Variants in ZNF93 observed in about 807,000 individuals in gnomAD.
ZNF93 encodes the protein zinc finger protein 505.
In ZNF93, 29 loss-of-function variants were observed where a neutral mutation model predicts 45.0. The ratio of observed to expected loss-of-function variants is 0.64; its 90% CI spans 0.48 to 0.88. The LOEUF (loss-of-function observed/expected upper bound fraction) is 0.88, where lower values mean the gene tolerates loss of function less well. Among genes scored for constraint, ZNF93 ranks in the 40% least tolerant of loss-of-function variants. The probability of loss-of-function intolerance (pLI) is 0.00; values close to 1 mark genes in which losing one functional copy is unlikely to be tolerated. For synonymous variants in ZNF93, 223 were observed against 244.6 expected, an observed-to-expected ratio of 0.91 and a Z score of 0.82; for missense variants, 578 against 724.0, an observed-to-expected ratio of 0.80 and a Z score of 2.31.
At chr19:19,903,822 G>A (rs1048368874) in intron 1 of ZNF93, among the ~76,000 whole-genome samples, 4 of 151,588 alleles carry the variant, frequency 2.6e-5, no homozygotes, top group Non-Finnish European at 4.4e-5. Context: ...TGTAATCCGA[G>A]CACTGTGGGA....
At chr19:19,921,864 T>C (rs921666596) in intron 3 of ZNF93, among the ~76,000 whole-genome samples, 2 of 152,130 alleles carry the variant, frequency 1.3e-5, no homozygotes, top group Non-Finnish European at 2.9e-5. Flanking sequence ...GTTTCCTGAA[T>C]ATAGCACACT....
Position 19,905,628 on chromosome 19 carries a change from T to C in ZNF93, c.3+4537T>C, listed in dbSNP as rs900621721. Among the ~76,000 whole-genome samples, 12 of 152,216 alleles carry C rather than the reference T, an allele frequency of 7.9e-5. No individual in the cohort carries two copies. In the East Asian group the frequency reaches 1.7e-3, roughly 22 times the overall value. ...AATCTTTTATTTTTGGTCTCACTTA[T>C]GGCCCAGGCTAGAGTGCCATGGCAT... On this transcript the variant is annotated intron_variant, in intron 1 of 3. Coordinates refer to ENST00000343769, the MANE Select transcript of ZNF93 (RefSeq NM_031218.4).
At chr19:19,925,915 G>C (rs186317447) in intron 3 of ZNF93, among the ~76,000 whole-genome samples, 7 of 151,966 alleles carry the variant, frequency 4.6e-5, no homozygotes, top group African/African-American at 1.4e-4. Flanking sequence ...GTAACTCTAG[G>C]TTCTTTTAAA....
rs763433713 is a variant in ZNF93, at chr19:19,934,197, A to G, written c.1242A>G (p.Ser414=). The G allele has an allele frequency of 2.5e-6, 4 of 1,612,248 alleles. No individual in the cohort carries two copies. The highest frequency in any genetic ancestry group is 1.7e-5 in the Admixed American group (1 of 58,880). The change falls in exon 4 of 4, where the codon TCA becomes TCG. Residue 414 remains serine (S), a synonymous_variant. Coordinates refer to ENST00000343769, the MANE Select transcript of ZNF93 (RefSeq NM_031218.4). ...TTAAGTACTCCTCTACCCTTAGTTC[A>G]CATAAGAGAAGTCATACTGGAGAGA... is the stretch of plus-strand genomic sequence containing the variant. ...KAFKYSSTLS[S]HKRSHTGEKP...
intron 3 of ZNF93, chr19:19,932,357 A>G (rs1406134793): frequency 6.6e-6 from 1 of 152,482 alleles, no homozygotes; most frequent in Non-Finnish European, 1.5e-5. Flanking sequence ...ACAGTAAATA[A>G]CTACCAATCC....
chr19:19,930,493 C>G lies in ZNF93; in HGVS notation c.227-2689C>G, dbSNP rs567107887. Among the ~76,000 whole-genome samples the G allele has an allele frequency of 5.3e-4, 79 of 149,364 alleles. 2 individuals carry two copies. In the South Asian group the frequency reaches 0.017, roughly 31 times the overall value. ...GGAAAGGGAGACTCCCTTTCCTGGT[C>G]CGCTAAGTAGCAGGTGTTTTTCCTT... On this transcript the variant is annotated intron_variant, in intron 3 of 3. Coordinates refer to ENST00000343769, the MANE Select transcript of ZNF93 (RefSeq NM_031218.4).
chr19:19,906,293 C>CT (rs140117863), intron 1 of ZNF93, among the ~76,000 whole-genome samples: 13,006 of 151,976 alleles, frequency 0.086, 1,356 homozygotes, highest in African/African-American at 0.25. Flanking sequence ...TAGTGATGAA[C>CT]TTTTTTTTCA....
rs1261032622 is a variant in ZNF93, at chr19:19,933,875, A to G, written c.920A>G (p.His307Arg). 31 of 1,613,232 alleles carry G rather than the reference A, an allele frequency of 1.9e-5. No individual in the cohort carries two copies. The highest frequency in any genetic ancestry group is 2.5e-5 in the Non-Finnish European group (30 of 1,179,890). ...SSTLTKHKKI[H>R]TGEKPYVCEE... ...ACACTTACTAAACATAAGAAAATTC[A>G]TACTGGAGAGAAGCCCTACGTTTGT... The change falls in exon 4 of 4, where the codon CAT becomes CGT. Residue 307 changes from histidine (H) to arginine (R), a missense_variant. This residue lies in a region of ZNF93 where 446 missense variants were observed against 547.6 expected (regional missense o/e 0.81). Transcript: ENST00000343769.
intron 1 of ZNF93, among the ~76,000 whole-genome samples, chr19:19,903,965 A>G (rs999184855): frequency 3.3e-5 from 5 of 151,624 alleles, no homozygotes. Context: ...AGGCTGAGGC[A>G]GGAGAATTGC....
At chr19:19,906,653 A>G (rs945628838) in intron 1 of ZNF93, among the ~76,000 whole-genome samples, 2 of 151,892 alleles carry the variant, frequency 1.3e-5, no homozygotes, top group African/African-American at 4.8e-5. Flanking sequence ...GGTTTCTTAT[A>G]ATTTTAAGTT....
At chr19:19,921,926 G>A (rs1220991643) in intron 3 of ZNF93, among the ~76,000 whole-genome samples, 1 of 152,150 alleles carries the variant, frequency 6.6e-6, no homozygotes, top group Non-Finnish European at 1.5e-5. Context: ...TTTAATTGGA[G>A]CATTTAGCCC....
At chr19:19,927,556 A>G (rs1398395761) in intron 3 of ZNF93, among the ~76,000 whole-genome samples, 1 of 152,210 alleles carries the variant, frequency 6.6e-6, no homozygotes, top group Non-Finnish European at 1.5e-5. Context: ...ATATCTCATA[A>G]GTGGAATCAT....
At chr19:19,915,472 A>G in intron 2 of ZNF93, 66 bp downstream of exon 2, 3 of 1,542,712 alleles carry the variant, frequency 1.9e-6, no homozygotes, top group Non-Finnish European at 2.6e-6. Flanking sequence ...TTTTTGTAGA[A>G]TGTTTTTTAG....
In ZNF93 at chr19:19,933,786, A is replaced by G. The variant is rs1433091030; in HGVS notation, c.831A>G (p.Lys277=). The part of the protein sequence containing the change: ...NQSSTLTKHK[K]IHTGEKPYKC... ...CCTCGACACTTACTAAACATAAGAA[A>G]ATTCATACTGGAGAGAAACCCTACA... Residue 277 remains lysine, a synonymous_variant, in exon 4 of 4, where the codon AAA becomes AAG. Transcript: ENST00000343769. 4.3e-6 allele frequency: 7 copies of G among 1,612,628 alleles called. No homozygotes were observed. The highest frequency in any genetic ancestry group is 5.9e-6 in the Non-Finnish European group (7 of 1,179,202).
chr19:19,909,580 T>A (rs1286889709), intron 1 of ZNF93: 2 of 152,258 alleles, frequency 1.3e-5, no homozygotes, highest in Non-Finnish European at 2.9e-5. Flanking sequence ...GATGACCATC[T>A]TTCTGACTTT....
chr19:19,934,860 C>T lies in ZNF93; in HGVS notation c.*42C>T. Reference sequence around the variant, plus strand: ...GCAAAGCCTTCAAGTGGTCCTCACACCTTACTATACACTGAGAGTTCTGAA... The same window carrying T: ...GCAAAGCCTTCAAGTGGTCCTCACATCTTACTATACACTGAGAGTTCTGAA... On this transcript the variant is annotated 3_prime_UTR_variant, in exon 4 of 4. Transcript: ENST00000343769. 6.4e-7 allele frequency: 1 copy of T among 1,555,220 alleles called. No individual in the cohort carries two copies. Among genetic ancestry groups the T allele is most frequent in the Non-Finnish European group, 8.7e-7 (1 of 1,149,616 alleles).
intron 3 of ZNF93, among the ~76,000 whole-genome samples, chr19:19,928,454 T>C (rs764202770): frequency 7.7e-4 from 118 of 152,344 alleles, no homozygotes; most frequent in Non-Finnish European, 1.4e-3. Flanking sequence ...AGTTTGACTT[T>C]TGCTTTTTAA....
At chr19:19,901,780 G>A (rs1054980677) in intron 1 of ZNF93, among the ~76,000 whole-genome samples, 19 of 151,972 alleles carry the variant, frequency 1.3e-4, no homozygotes, top group African/African-American at 4.6e-4. Flanking sequence ...CACAAAAACC[G>A]GAACTGCGTT....
chr19:19,913,433 G>A (rs1265658706), intron 1 of ZNF93, among the ~76,000 whole-genome samples: 2 of 151,952 alleles, frequency 1.3e-5, no homozygotes, highest in African/African-American at 4.8e-5. Context: ...CAAGTATAAG[G>A]GCTTTAAAAT....
Sources: gnomAD v4.1 joint callset for allele counts (sites outside exome capture counted in the v4.1 genomes callset) on GRCh38, gnomAD v4.1.1 for gene constraint, gnomAD v4.1.1 regional missense constraint, MANE v1.5 for transcripts, NCBI Gene and HGNC (gene_info 2026-07-23, HGNC 2026-07-21) for gene names.